PASK: variants seen among roughly 807,000 people sequenced by gnomAD.
PASK encodes the protein PAS domain containing serine/threonine kinase.
Under a neutral mutation model 121.0 loss-of-function variants are expected in PASK, and 110 were observed. The ratio of observed to expected loss-of-function variants is 0.91; its 90% CI spans 0.78 to 1.06. The LOEUF is 1.06. Among genes scored for constraint, PASK ranks in the 50% least tolerant of loss-of-function variants. The pLI is 0.00. For synonymous variants in PASK, 686 were observed against 717.8 expected (o/e 0.96, Z 0.71); for missense variants, 1,643 against 1,702.3 (o/e 0.97, Z 0.61).
In PASK at chr2:241,112,695, C is replaced by T. The variant is rs1364699551; in HGVS notation, c.3334-256G>A. ...GCAACATCAATGAGACTCGTGAGTTCTGTTTGCTGCTGAGAAAAGCTTCCC... is the reference window on the plus strand; with the variant it reads ...GCAACATCAATGAGACTCGTGAGTTTTGTTTGCTGCTGAGAAAAGCTTCCC... On this transcript the variant is annotated intron_variant, in intron 14 of 17. Transcript: ENST00000234040. This position sits in a 1 kb window ranked among gnomAD's most constrained non-coding sequence, Gnocchi z 5.2. The T allele has an allele frequency of 2.2e-6, 1 of 447,266 alleles. No individual in the cohort carries two copies. Among genetic ancestry groups the T allele is most frequent in the South Asian group, 2.2e-5 (1 of 45,046 alleles). 27.7% of individuals were successfully genotyped at this position (447,266 alleles called of 1,614,324 possible).
intron 5 of PASK, 152 bp from the exon 6 acceptor site, chr2:241,138,239 G>T (rs1428943692): frequency 8.8e-6 from 7 of 796,068 alleles, no homozygotes; most frequent in Non-Finnish European, 1.5e-5. Context: ...TTTGATAAGA[G>T]CTTCATCATC....
At chr2:241,148,808 G>A (rs778321263) in intron 1 of PASK, among the ~76,000 whole-genome samples, 1 of 152,212 alleles carries the variant, frequency 6.6e-6, no homozygotes, top group Non-Finnish European at 1.5e-5. Context: ...GAACCCCTAA[G>A]AGAAAAATGG....
intron 14 of PASK, chr2:241,114,795 C>A: frequency 7.0e-7 from 1 of 1,424,080 alleles, no homozygotes. Flanking sequence ...AAACCTTAAC[C>A]ATTAAACATA....
intron 5 of PASK, 34 bp downstream of exon 5, chr2:241,138,620 G>A (rs368860524): frequency 2.9e-5 from 46 of 1,612,444 alleles, no homozygotes; most frequent in African/African-American, 5.3e-5. Context: ...CGGCTCCAGC[G>A]TCCATGAGAC....
At chr2:241,149,970 G>T, upstream of PASK, 1 of 1,421,610 alleles carries the variant, frequency 7.0e-7, no homozygotes, top group Non-Finnish European at 9.2e-7. Context: ...GGTAAAATCC[G>T]CGCGGGGACG....
In PASK at chr2:241,137,186, G is replaced by A. The variant is rs752437474; in HGVS notation, c.955C>T (p.Pro319Ser). 2.0e-5 allele frequency: 33 copies of A among 1,612,654 alleles called. No homozygotes were observed. Among genetic ancestry groups the A allele is most frequent in the Non-Finnish European group, 2.6e-5 (31 of 1,178,960 alleles). ...FPLSLKLKSQ[P>S]SSEEATTGEA... ...CCGGTGGTCGCCTCCTCGCTGCTGG[G>A]TTGGGATTTCAGCTTTAAGCTCAGA... Residue 319 changes from proline to serine, a missense_variant, in exon 7 of 18, where the codon CCC (proline) becomes TCC (serine). Physicochemically the swap from Pro to Ser is moderately conservative, Grantham distance 74. This residue lies in a region of PASK where 1,176 missense variants were observed against 1,162.2 expected (regional missense o/e 1.01). Coordinates refer to ENST00000234040, the MANE Select transcript of PASK (RefSeq NM_015148.4).
At chr2:241,138,353 G>A (rs1431832205) in intron 5 of PASK, among the ~76,000 whole-genome samples, 1 of 152,148 alleles carries the variant, frequency 6.6e-6, no homozygotes, top group Non-Finnish European at 1.5e-5. Context: ...CACATATGAG[G>A]GCTGTCTCTA....
chr2:241,122,560 G>A (rs1394952063), intron 12 of PASK, among the ~76,000 whole-genome samples, 172 bp downstream of exon 12: 1 of 152,226 alleles, frequency 6.6e-6, no homozygotes, highest in East Asian at 1.9e-4. Context: ...GTCAACGTGT[G>A]TGCTGCTGGG....
At chr2:241,107,120 C>T (rs2064919596) in intron 17 of PASK, among the ~76,000 whole-genome samples, 1 of 152,192 alleles carries the variant, frequency 6.6e-6, no homozygotes, top group African/African-American at 2.4e-5. Context: ...GACACCTGCC[C>T]ACCCTCCAAG....
At chr2:241,124,532 G>C (rs551928654) in intron 10 of PASK, among the ~76,000 whole-genome samples, 73 of 152,340 alleles carry the variant, frequency 4.8e-4, no homozygotes, top group Admixed American at 4.4e-3. Context: ...GCCTTCCAGT[G>C]ACAAGAATGT....
chr2:241,121,355 C>T (rs558826347), intron 12 of PASK, among the ~76,000 whole-genome samples: 9 of 152,002 alleles, frequency 5.9e-5, no homozygotes, highest in East Asian at 5.8e-4. Flanking sequence ...ATCTCAATAC[C>T]GATGCCAAAA....
intron 15 of PASK, among the ~76,000 whole-genome samples, chr2:241,110,484 C>G (rs1433312603): frequency 1.3e-5 from 2 of 152,202 alleles, no homozygotes; most frequent in African/African-American, 4.8e-5. Context: ...GCCTGCAGCC[C>G]CGCAGGCCCA....
Position 241,108,863 on chromosome 2 carries a change from T to G in PASK, c.3534-563A>C, listed in dbSNP as rs934617253. On this transcript the variant is annotated intron_variant, in intron 15 of 17. Coordinates refer to ENST00000234040, the MANE Select transcript of PASK (RefSeq NM_015148.4). The surrounding 1 kb of genome is among the most constrained non-coding windows in gnomAD (Gnocchi z 5.2). ...GCAAACAAGAAGGACGTGGTGAAGG[T>G]GGGTGTTCACACAGTGGGCCAAATG... 2.1e-4 allele frequency: 44 copies of G among 206,504 alleles called. 1 individual carries two copies. Among genetic ancestry groups the G allele is most frequent in the Non-Finnish European group, 7.0e-5 (7 of 100,416 alleles). 12.8% of individuals were successfully genotyped at this position (206,504 alleles called of 1,614,324 possible). A position where few individuals can be genotyped will look rare whatever the true frequency, so the allele number is the denominator to read the frequency against.
intron 4 of PASK, 84 bp downstream of exon 4, chr2:241,139,801 C>T (rs2066616731): frequency 7.6e-7 from 1 of 1,318,542 alleles, no homozygotes; most frequent in African/African-American, 1.4e-5. Flanking sequence ...CCCAGCAGAG[C>T]TCCTGGTAGG....
chr2:241,138,619 C>G, intron 5 of PASK, 35 bp downstream of exon 5: 1 of 1,612,226 alleles, frequency 6.2e-7, no homozygotes, highest in South Asian at 1.1e-5. Context: ...CCGGCTCCAG[C>G]GTCCATGAGA....
rs559773632 is a variant in PASK, at chr2:241,113,952, A to T, written c.3333+1091T>A. 148 of 981,554 alleles carry T rather than the reference A, an allele frequency of 1.5e-4. No homozygotes were observed. In the South Asian group the frequency reaches 6.2e-3, roughly 41 times the overall value. 60.8% of individuals were successfully genotyped at this position (981,554 alleles called of 1,614,324 possible). A position where few individuals can be genotyped will look rare whatever the true frequency, so the allele number is the denominator to read the frequency against. ...TCTGTATTTACATAGAATAACATTT[A>T]TGTCTATATATTTACAAAAGGGGTA... On this transcript the variant is annotated intron_variant, in intron 14 of 17. Transcript: ENST00000234040.
chr2:241,140,074 G>A lies in PASK; in HGVS notation c.430-19C>T, dbSNP rs549792304. 6.8e-6 allele frequency: 11 copies of A among 1,609,846 alleles called. No homozygotes were observed. The highest frequency in any genetic ancestry group is 2.7e-5 in the African/African-American group (2 of 74,982). On this transcript the variant is annotated intron_variant, in intron 3 of 17. Transcript: ENST00000234040. Reference sequence around the variant, plus strand: ...CCAGGATCTGAGGAATCACAAAGAGGAGCAAGGATGCAGACATCCCCAGCA... The same window carrying A: ...CCAGGATCTGAGGAATCACAAAGAGAAGCAAGGATGCAGACATCCCCAGCA...
intron 2 of PASK, 117 bp downstream of exon 2, chr2:241,142,717 CTTT>C: frequency 1.2e-6 from 1 of 810,926 alleles, no homozygotes. Context: ...AAACCACGAA[CTTT>C]TCTCTGCAGG....
chr2:241,131,055 T>G (rs1208266110), intron 9 of PASK, among the ~76,000 whole-genome samples: 3 of 149,970 alleles, frequency 2.0e-5, no homozygotes, highest in Admixed American at 2.0e-4. Context: ...GGGGAAAGAG[T>G]AGGATTGGAG....
Sources: gnomAD v4.1 joint callset for allele counts (sites outside exome capture counted in the v4.1 genomes callset) on GRCh38, gnomAD v4.1.1 for gene constraint, gnomAD v4.1.1 regional missense constraint, Gnocchi (gnomAD v3.1) non-coding constraint, MANE v1.5 for transcripts, NCBI Gene and HGNC (gene_info 2026-07-23, HGNC 2026-07-21) for gene names.